Variants in PHC3 observed in about 807,000 individuals in gnomAD.
PHC3 encodes polyhomeotic homolog 3, also known as polyhomeotic-like protein 3.
In PHC3, 13 loss-of-function variants were observed where a neutral mutation model predicts 107.4. That is an observed-to-expected ratio of 0.12 (90% CI 0.08 to 0.19). The LOEUF is 0.19. Among genes scored for constraint, PHC3 ranks in the 10% least tolerant of loss-of-function variants. PHC3 has a pLI of 1.00. For synonymous variants in PHC3, 456 were observed against 427.4 expected (o/e 1.07, Z -0.83); for missense variants, 992 against 1,210.9 (o/e 0.82, Z 2.68).
intron 9 of PHC3, among the ~76,000 whole-genome samples, chr3:170,118,317 C>A (rs1054033669): frequency 2.0e-5 from 3 of 152,178 alleles, no homozygotes; most frequent in African/African-American, 7.2e-5. Flanking sequence ...ATGATCAAGG[C>A]TCACTGCAGT....
chr3:170,164,119 T>C (rs1728354492), intron 4 of PHC3, among the ~76,000 whole-genome samples: 1 of 150,900 alleles, frequency 6.6e-6, no homozygotes, highest in Non-Finnish European at 1.5e-5. Flanking sequence ...GGAGAATTGC[T>C]TGAGAATTTG....
At position 170,171,332 on chromosome 3, in the gene PHC3, T is replaced by C. The variant is rs989393851; in HGVS notation, c.414+41A>G. 5.7e-6 allele frequency: 8 copies of C among 1,394,244 alleles called. No homozygotes were observed. In the African/African-American group the frequency reaches 7.3e-5, roughly 13 times the overall value. 86.4% of individuals were successfully genotyped at this position (1,394,244 alleles called of 1,614,324 possible). A position where few individuals can be genotyped will look rare whatever the true frequency, so the allele number is the denominator to read the frequency against. On this transcript the variant is annotated intron_variant, in intron 4 of 14. Coordinates refer to ENST00000495893, the MANE Select transcript of PHC3 (RefSeq NM_024947.4). ...AGTTTACTTTTGGAAAACAATTCTT[T>C]AAAATTTTAAATCCAGGAAAAAAAA... is the stretch of plus-strand genomic sequence containing the variant.
intron 4 of PHC3, among the ~76,000 whole-genome samples, chr3:170,160,337 A>G (rs1727683751): frequency 6.6e-6 from 1 of 152,200 alleles, no homozygotes; most frequent in Non-Finnish European, 1.5e-5. Context: ...GTTAACTCCT[A>G]TGACATTTAC....
chr3:170,127,166 A>T lies in PHC3; in HGVS notation c.1788+1518T>A, dbSNP rs117973573. On this transcript the variant is annotated intron_variant, in intron 8 of 14. Transcript: ENST00000495893. ...AATATAGACATGATAACTGAATGAT[A>T]AACTTTTTAAAAATTTTTCTTTCCT... Among the ~76,000 whole-genome samples the T allele has an allele frequency of 3.9e-3, 593 of 152,270 alleles. 20 individuals carry two copies. In the East Asian group the frequency reaches 0.098, roughly 25 times the overall value.
chr3:170,107,031 C>T (rs1211219805), intron 11 of PHC3, 85 bp from the exon 12 acceptor site: 1 of 885,552 alleles, frequency 1.1e-6, no homozygotes, highest in African/African-American at 1.7e-5. Flanking sequence ...TGGTTGGATA[C>T]TGCTAGCAAA....
rs906349102 is a variant in PHC3 at position 170,145,399 on chromosome 3, C to T, written c.672+24G>A. On this transcript the variant is annotated intron_variant, in intron 6 of 14. Transcript: ENST00000495893. ...CTGAAGATCCAGATCTCAAGTAACACATTATGAAGCTAGACAAGCTCACCT... is the reference window on the plus strand; with the variant it reads ...CTGAAGATCCAGATCTCAAGTAACATATTATGAAGCTAGACAAGCTCACCT... 5.0e-6 allele frequency: 8 copies of T among 1,588,294 alleles called. No individual in the cohort carries two copies. In the Admixed American group the frequency reaches 6.9e-5, roughly 14 times the overall value.
intron 9 of PHC3, among the ~76,000 whole-genome samples, chr3:170,121,223 T>C (rs1473726556): frequency 6.6e-6 from 1 of 152,068 alleles, no homozygotes; most frequent in African/African-American, 2.4e-5. Context: ...GCACCTATAG[T>C]ACCAGCTATT....
chr3:170,144,802 C>G lies in PHC3; in HGVS notation c.672+621G>C, dbSNP rs142585217. ...TTCACTGCAGCCTCAATCTCCCAGG[C>G]TCGAGCAATCCTCCTGCCTCAGCCT... On this transcript the variant is annotated intron_variant, in intron 6 of 14. Coordinates refer to ENST00000495893, the MANE Select transcript of PHC3 (RefSeq NM_024947.4). Among the ~76,000 whole-genome samples, 289 of 152,172 alleles carry G rather than the reference C, an allele frequency of 1.9e-3. 2 individuals are homozygous for G. The highest frequency in any genetic ancestry group is 3.4e-3 in the Middle Eastern group (1 of 294).
chr3:170,105,348 T>C (rs574796561), intron 12 of PHC3, among the ~76,000 whole-genome samples: 32 of 152,192 alleles, frequency 2.1e-4, no homozygotes, highest in African/African-American at 4.1e-4. Flanking sequence ...GAAAAACAGA[T>C]TGACAACCAA....
intron 11 of PHC3, among the ~76,000 whole-genome samples, chr3:170,109,707 A>T (rs1717252120): frequency 6.6e-6 from 1 of 152,164 alleles, no homozygotes; most frequent in African/African-American, 2.4e-5. Context: ...CAGTGTGAAG[A>T]TATACCAAGG....
chr3:170,120,617 T>G (rs556802702), intron 9 of PHC3, among the ~76,000 whole-genome samples: 1 of 152,190 alleles, frequency 6.6e-6, no homozygotes, highest in East Asian at 1.9e-4. Context: ...ATATTTTATA[T>G]AAGTTTATTG....
At chr3:170,168,540 T>A (rs1273602) in intron 4 of PHC3, among the ~76,000 whole-genome samples, 1 of 152,022 alleles carries the variant, frequency 6.6e-6, no homozygotes, top group Non-Finnish European at 1.5e-5. Context: ...CCGAGGCAGG[T>A]GGATCACAAG....
In PHC3 at chr3:170,149,067, T is replaced by G; in HGVS notation, c.573+19A>C. On this transcript the variant is annotated intron_variant, in intron 5 of 14. Coordinates refer to ENST00000495893, the MANE Select transcript of PHC3 (RefSeq NM_024947.4). Reference sequence around the variant, plus strand: ...TCAAGTCCTTAAACACTGAAAAAATTTGGTAGCTCATATCTTACCATTTGA... The same window carrying G: ...TCAAGTCCTTAAACACTGAAAAAATGTGGTAGCTCATATCTTACCATTTGA... 1 of 1,608,352 alleles carries G rather than the reference T, an allele frequency of 6.2e-7. No homozygotes were observed. Among genetic ancestry groups the G allele is most frequent in the South Asian group, 1.1e-5 (1 of 90,096 alleles).
rs558691852 is a variant in PHC3, at chr3:170,167,142, A to G, written c.414+4231T>C. 1.1e-4 allele frequency among the ~76,000 whole-genome samples: 16 copies of G among 152,116 alleles called. No homozygotes were observed. The South Asian group carries it at 3.1e-3, about 30-fold the overall frequency. The stretch of plus-strand genomic sequence containing the variant: ...CAGATGACAACAGTACTTCATTGTT[A>G]TTTGTGCATATATTTCTATTTTTTT... On this transcript the variant is annotated intron_variant, in intron 4 of 14. Coordinates refer to ENST00000495893, the MANE Select transcript of PHC3 (RefSeq NM_024947.4).
rs7637607 is a variant in PHC3, at chr3:170,118,344, C to G, written c.1943-868G>C. ...CACTGCAGTCTCAACCTCCCAGGCTCAGGTGATTCTCCCACCTCAGCCTCT... is the reference window on the plus strand; with the variant it reads ...CACTGCAGTCTCAACCTCCCAGGCTGAGGTGATTCTCCCACCTCAGCCTCT... On this transcript the variant is annotated intron_variant, in intron 9 of 14. Transcript: ENST00000495893. Among the ~76,000 whole-genome samples the G allele has an allele frequency of 9.9e-3, 1,515 of 152,280 alleles. 35 individuals are homozygous for G. The highest frequency in any genetic ancestry group is 0.034 in the African/African-American group (1,433 of 41,562).
chr3:170,109,397 T>C (rs1717188996), intron 11 of PHC3, among the ~76,000 whole-genome samples: 1 of 152,176 alleles, frequency 6.6e-6, no homozygotes, highest in Non-Finnish European at 1.5e-5. Context: ...TCAGCCATCT[T>C]GGAAATAAAA....
intron 2 of PHC3, among the ~76,000 whole-genome samples, chr3:170,178,420 C>T (rs1381991350): frequency 6.6e-6 from 1 of 152,004 alleles, no homozygotes; most frequent in Non-Finnish European, 1.5e-5. Context: ...CGTGAGCCAC[C>T]GCGCCCGGCC....
intron 4 of PHC3, among the ~76,000 whole-genome samples, chr3:170,156,335 C>A (rs1417780589): frequency 1.3e-5 from 2 of 152,176 alleles, no homozygotes; most frequent in Non-Finnish European, 2.9e-5. Context: ...CCGCTCACTG[C>A]AACCTCCGCC....
intron 2 of PHC3, among the ~76,000 whole-genome samples, chr3:170,174,647 C>T (rs1730132075): frequency 6.6e-6 from 1 of 152,116 alleles, no homozygotes; most frequent in Admixed American, 6.6e-5. Context: ...ACATCTTGAG[C>T]CATAATGCCA....
Sources: gnomAD v4.1 joint callset for allele counts (sites outside exome capture counted in the v4.1 genomes callset) on GRCh38, gnomAD v4.1.1 for gene constraint, MANE v1.5 for transcripts, NCBI Gene and HGNC (gene_info 2026-07-23, HGNC 2026-07-21) for gene names.